SEL1L2: variants seen among roughly 807,000 people sequenced by gnomAD.
The protein encoded by SEL1L2 is protein sel-1 homolog 2.
A neutral mutation model predicts 98.8 loss-of-function variants in SEL1L2; 89 were observed. The ratio of observed to expected loss-of-function variants is 0.90; its 90% confidence interval spans 0.76 to 1.07. The LOEUF is 1.07. Among genes scored for constraint, SEL1L2 ranks in the 50% least tolerant of loss-of-function variants. The probability of loss-of-function intolerance (pLI) is 0.00; values close to 1 mark genes in which losing one functional copy is unlikely to be tolerated. For missense variants in SEL1L2, 788 were observed against 812.0 expected, an observed-to-expected ratio of 0.97 and a Z score of 0.36; for synonymous variants, 262 against 278.5, an observed-to-expected ratio of 0.94 and a Z score of 0.59.
chr20:13,871,227 A>G (rs1165142038), intron 12 of SEL1L2, among the ~76,000 whole-genome samples: 2 of 152,158 alleles, frequency 1.3e-5, no homozygotes, highest in African/African-American at 2.4e-5. Context: ...TTCTTTATTC[A>G]AATTTATTGC....
chr20:13,971,094 T>C (rs1000979116), intron 1 of SEL1L2, among the ~76,000 whole-genome samples: 2 of 148,872 alleles, frequency 1.3e-5, no homozygotes, highest in African/African-American at 5.0e-5. Flanking sequence ...AGGAACTGAC[T>C]GTTAGGTCAT....
rs2047025296 is a variant in SEL1L2, at chr20:13,887,792, T to A, written c.722A>T (p.Tyr241Phe). Reference sequence around the variant, plus strand: ...ACTATAATCTGCCACTTTCTTGTAATAACTTAGGGCAACTTCACAATTCTG... The same window carrying A: ...ACTATAATCTGCCACTTTCTTGTAAAAACTTAGGGCAACTTCACAATTCTG... ...VLQNCEVALS[Y>F]YKKVADYIAD... The change falls in exon 8 of 20, where the codon TAT (tyrosine) becomes TTT (phenylalanine). Residue 241 changes from tyrosine (Y) to phenylalanine (F), a missense_variant. Transcript: ENST00000284951. 4.3e-6 allele frequency: 7 copies of A among 1,612,530 alleles called. No homozygotes were observed. The highest frequency in any genetic ancestry group is 5.1e-6 in the Non-Finnish European group (6 of 1,178,850).
At chr20:13,932,894 A>G (rs1313543834) in intron 2 of SEL1L2, among the ~76,000 whole-genome samples, 1 of 152,156 alleles carries the variant, frequency 6.6e-6, no homozygotes, top group Non-Finnish European at 1.5e-5. Context: ...AAGCAGAAAC[A>G]TGAAGCCATG....
chr20:13,977,273 G>T (rs1475667496), intron 1 of SEL1L2, among the ~76,000 whole-genome samples: 1 of 152,126 alleles, frequency 6.6e-6, no homozygotes, highest in African/African-American at 2.4e-5. Context: ...AGAAAGCCAA[G>T]CACCGAACCT....
At chr20:13,988,687 TG>T (rs987946498) in intron 1 of SEL1L2, among the ~76,000 whole-genome samples, 1 of 152,166 alleles carries the variant, frequency 6.6e-6, no homozygotes, top group African/African-American at 2.4e-5. Context: ...TGCCAATTTT[TG>T]AAAAGAAGTC....
intron 5 of SEL1L2, among the ~76,000 whole-genome samples, chr20:13,898,264 C>CAGATA (rs2047509829): frequency 6.6e-6 from 1 of 152,110 alleles, no homozygotes; most frequent in East Asian, 1.9e-4. Context: ...TGCAGCCAGG[C>CAGATA]AGATAGCCCA....
chr20:13,885,950 T>C (rs896672651), intron 9 of SEL1L2, among the ~76,000 whole-genome samples: 2 of 151,300 alleles, frequency 1.3e-5, no homozygotes, highest in African/African-American at 4.9e-5. Context: ...GGCAGGAGAA[T>C]GGTGTGAACT....
At chr20:13,881,147 G>T (rs1239040999) in intron 10 of SEL1L2, among the ~76,000 whole-genome samples, 1 of 152,270 alleles carries the variant, frequency 6.6e-6, no homozygotes, top group South Asian at 2.1e-4. Flanking sequence ...CTGAGTGGCT[G>T]GGACTACAGG....
intron 5 of SEL1L2, among the ~76,000 whole-genome samples, chr20:13,891,880 A>C (rs1391431051): frequency 2.6e-5 from 4 of 152,154 alleles, no homozygotes; most frequent in African/African-American, 9.7e-5. Context: ...AAAGCAACAC[A>C]AAAGCATATG....
intron 2 of SEL1L2, among the ~76,000 whole-genome samples, chr20:13,939,639 T>C (rs1261679097): frequency 6.8e-6 from 1 of 146,348 alleles, no homozygotes; most frequent in Non-Finnish European, 1.5e-5. Flanking sequence ...AGGTCTAAAA[T>C]AGTCATGGAA....
At chr20:13,963,444 C>T (rs1451657271) in intron 1 of SEL1L2, among the ~76,000 whole-genome samples, 1 of 141,234 alleles carries the variant, frequency 7.1e-6, no homozygotes, top group Non-Finnish European at 1.5e-5. Flanking sequence ...AGGCCAGGTG[C>T]GGTGGCTCAC....
intron 6 of SEL1L2, 40 bp from the exon 7 acceptor site, chr20:13,888,041 G>C: frequency 6.4e-7 from 1 of 1,569,160 alleles, no homozygotes; most frequent in Non-Finnish European, 8.7e-7. Flanking sequence ...CCCCAAACCA[G>C]GTTGGCCATT....
chr20:13,875,618 A>G (rs912459834), intron 12 of SEL1L2, among the ~76,000 whole-genome samples: 3 of 152,146 alleles, frequency 2.0e-5, no homozygotes, highest in African/African-American at 7.2e-5. Flanking sequence ...TTTGGATGAG[A>G]TGAGACTGGA....
chr20:13,952,307 A>G (rs978431048), intron 2 of SEL1L2, among the ~76,000 whole-genome samples: 2 of 152,232 alleles, frequency 1.3e-5, no homozygotes, highest in African/African-American at 2.4e-5. Flanking sequence ...AACAGAGGTT[A>G]AAAGACAGTG....
chr20:13,907,256 GA>G (rs535742682), intron 5 of SEL1L2, among the ~76,000 whole-genome samples: 41 of 151,628 alleles, frequency 2.7e-4, no homozygotes, highest in African/African-American at 9.9e-4. Flanking sequence ...CATTTAGAGG[GA>G]AAAAAAACCA....
chr20:13,956,358 A>G (rs1357048450), intron 1 of SEL1L2, among the ~76,000 whole-genome samples: 1 of 152,130 alleles, frequency 6.6e-6, no homozygotes, highest in East Asian at 1.9e-4. Flanking sequence ...ATATACTTTA[A>G]TCAAGCATTC....
rs535382730 is a variant in SEL1L2, at chr20:13,926,246, C to T, written c.283+5357G>A. Among the ~76,000 whole-genome samples, 61 of 152,180 alleles carry T rather than the reference C, an allele frequency of 4.0e-4. No homozygotes were observed. In the Middle Eastern group the frequency reaches 0.014, roughly 34 times the overall value. ...AGGAGAATGGCGTGAACCCTGGAGG[C>T]GGAGCTTGTAGTGAGCGGAGATGGC... is the stretch of plus-strand genomic sequence containing the variant. On this transcript the variant is annotated intron_variant, in intron 3 of 19. Transcript: ENST00000284951.
In SEL1L2 at chr20:13,860,928, G is replaced by C. The variant is rs553771303; in HGVS notation, c.1646-1494C>G. On this transcript the variant is annotated intron_variant, in intron 17 of 19. Transcript: ENST00000284951. ...AAACAAAATCATCAGTTTCTTCCCTGTCTCAGTACAGCACCCCCATTGTTC... is the reference window on the plus strand; with the variant it reads ...AAACAAAATCATCAGTTTCTTCCCTCTCTCAGTACAGCACCCCCATTGTTC... 3.9e-5 allele frequency among the ~76,000 whole-genome samples: 6 copies of C among 152,110 alleles called. No individual in the cohort carries two copies. In the South Asian group the frequency reaches 1.2e-3, roughly 32 times the overall value.
chr20:13,896,761 G>A (rs1297803856), intron 5 of SEL1L2, among the ~76,000 whole-genome samples: 1 of 151,992 alleles, frequency 6.6e-6, no homozygotes, highest in African/African-American at 2.4e-5. Flanking sequence ...AATGAAAGAA[G>A]ATACAAATCA....
Sources: allele counts gnomAD v4.1 joint callset (sites outside exome capture counted in the v4.1 genomes callset), GRCh38; gene constraint gnomAD v4.1.1; transcripts MANE v1.5; gene names NCBI Gene and HGNC (gene_info 2026-07-23, HGNC 2026-07-21).